XPO6: variants seen among roughly 807,000 people sequenced by gnomAD.
XPO6 encodes the protein exportin 6.
A neutral mutation model predicts 130.0 loss-of-function variants in XPO6; 3 were observed. That is an observed-to-expected ratio of 0.02 (90% CI 0.01 to 0.06). XPO6 has a LOEUF of 0.06. Ranked by LOEUF, XPO6 falls within the 10% of genes least tolerant of loss-of-function variation. XPO6 has a pLI of 1.00. For missense variants in XPO6, 970 were observed against 1,393.0 expected (o/e 0.70, Z 4.83); for synonymous variants, 524 against 548.9 (o/e 0.95, Z 0.63).
At chr16:28,111,662 G>A (rs757143372) in intron 17 of XPO6, 155 bp downstream of exon 17, 2 of 700,226 alleles carry the variant, frequency 2.9e-6, no homozygotes, top group Admixed American at 3.1e-5. Context: ...AAGGTAGCAG[G>A]ATCCCACCCC....
chr16:28,176,290 C>A (rs1341671004), intron 3 of XPO6, among the ~76,000 whole-genome samples, 195 bp from the exon 4 acceptor site: 1 of 152,110 alleles, frequency 6.6e-6, no homozygotes, highest in Non-Finnish European at 1.5e-5. Flanking sequence ...GGAAGAACTG[C>A]CAAATAACAG....
intron 1 of XPO6, among the ~76,000 whole-genome samples, chr16:28,189,568 T>C (rs1024088433): frequency 1.3e-5 from 2 of 151,088 alleles, no homozygotes; most frequent in South Asian, 2.1e-4. Flanking sequence ...ATTCTAAACA[T>C]TGTGTACAAG....
At chr16:28,165,679 C>T (rs2043346218) in intron 6 of XPO6, among the ~76,000 whole-genome samples, 1 of 152,188 alleles carries the variant, frequency 6.6e-6, no homozygotes, top group Non-Finnish European at 1.5e-5. Context: ...CGTCTGACTT[C>T]CACAGCCTAT....
intron 12 of XPO6, chr16:28,126,611 T>C (rs1650259960): frequency 6.6e-6 from 1 of 152,228 alleles, no homozygotes; most frequent in African/African-American, 2.4e-5. Flanking sequence ...GTCTGAAATT[T>C]CCTTACTTTT....
At chr16:28,098,724 G>T in intron 23 of XPO6, 85 bp from the exon 24 acceptor site, 1 of 968,792 alleles carries the variant, frequency 1.0e-6, no homozygotes, top group Non-Finnish European at 1.5e-6. Context: ...ATCCCAGAGT[G>T]TGCACTGAAG....
At chr16:28,183,989 C>T (rs768189514) in intron 1 of XPO6, among the ~76,000 whole-genome samples, 36 of 152,262 alleles carry the variant, frequency 2.4e-4, no homozygotes, top group Admixed American at 1.7e-3. Flanking sequence ...CCCTGGCTCC[C>T]GTTTGGCAAC....
chr16:28,163,065 G>A (rs76692743), intron 6 of XPO6, among the ~76,000 whole-genome samples: 6 of 152,142 alleles, frequency 3.9e-5, no homozygotes, highest in East Asian at 1.9e-4. Context: ...CTCCAGTCGC[G>A]TTAACCTAAA....
intron 10 of XPO6, 147 bp from the exon 11 acceptor site, chr16:28,134,080 A>AT (rs1567612250): frequency 9.9e-6 from 7 of 706,272 alleles, no homozygotes; most frequent in Non-Finnish European, 1.6e-5. Flanking sequence ...CCAAGCTAGA[A>AT]TTTTTTAAAA....
intron 13 of XPO6, among the ~76,000 whole-genome samples, chr16:28,125,282 T>C (rs574799682): frequency 5.1e-4 from 78 of 152,350 alleles, no homozygotes; most frequent in Non-Finnish European, 9.3e-4. Flanking sequence ...TCAGTAGGGC[T>C]TTCTTAATAT....
At chr16:28,119,629 C>T (rs1471458124) in intron 14 of XPO6, among the ~76,000 whole-genome samples, 2 of 151,460 alleles carry the variant, frequency 1.3e-5, no homozygotes, top group South Asian at 2.1e-4. Flanking sequence ...TAATGTGTGG[C>T]TCATGATTAG....
chr16:28,152,086 G>GTGTGT (rs1339760920), intron 8 of XPO6, among the ~76,000 whole-genome samples: 5 of 152,124 alleles, frequency 3.3e-5, no homozygotes, highest in Admixed American at 1.3e-4. Context: ...GTGTGTGTGT[G>GTGTGT]TGTACACACA....
Position 28,117,200 on chromosome 16 carries a change from G to A in XPO6, c.2004+118C>T, listed in dbSNP as rs1369170310. On this transcript the variant is annotated intron_variant, in intron 15 of 23. Transcript: ENST00000304658. The stretch of plus-strand genomic sequence containing the variant: ...CATGAAATAAAACAGATGTATAACA[G>A]CAGAAAGATTTATGGGTCTAACTCT... 3.8e-6 allele frequency: 5 copies of A among 1,323,764 alleles called. No individual in the cohort carries two copies. The East Asian group carries it at 1.2e-4, about 31-fold the overall frequency. The allele number at this position is 1,323,764 out of a possible 1,614,324, so 82.0% of individuals were successfully genotyped here.
Position 28,200,694 on chromosome 16 carries a change from T to C in XPO6, c.3+10672A>G, listed in dbSNP as rs538339575. On this transcript the variant is annotated intron_variant, in intron 1 of 23. Coordinates refer to ENST00000304658, the MANE Select transcript of XPO6 (RefSeq NM_015171.4). ...CTGTCAACTCACTAGGTAATTCTGA[T>C]TTCTGTTTTTTTGGTTTTTTATTTT... is the stretch of plus-strand genomic sequence containing the variant. Among the ~76,000 whole-genome samples the C allele has an allele frequency of 2.0e-5, 3 of 152,178 alleles. No individual in the cohort carries two copies. The South Asian group carries it at 6.2e-4, about 32-fold the overall frequency.
At chr16:28,150,397 CA>C (rs1386050539) in intron 8 of XPO6, among the ~76,000 whole-genome samples, 1 of 152,032 alleles carries the variant, frequency 6.6e-6, no homozygotes, top group Non-Finnish European at 1.5e-5. Context: ...TTCGATGACA[CA>C]TAGGAGTCTA....
intron 10 of XPO6, among the ~76,000 whole-genome samples, chr16:28,134,935 G>C (rs1380346218): frequency 6.6e-6 from 1 of 152,158 alleles, no homozygotes; most frequent in East Asian, 1.9e-4. Flanking sequence ...GAGACAGAGA[G>C]GATACAGAGT....
At chr16:28,186,374 C>CTTGTTTTTTTTTTT (rs2043693707) in intron 1 of XPO6, among the ~76,000 whole-genome samples, 1 of 81,442 alleles carries the variant, frequency 1.2e-5, no homozygotes, top group Non-Finnish European at 2.1e-5. Flanking sequence ...CCCAGTTATT[C>CTTGTTTTTTTTTTT]TTTTTTTTTT....
intron 6 of XPO6, among the ~76,000 whole-genome samples, chr16:28,164,010 A>C (rs2043318144): frequency 6.6e-6 from 1 of 151,730 alleles, no homozygotes; most frequent in African/African-American, 2.4e-5. Flanking sequence ...AACCACACAC[A>C]CTCCTTCAAA....
intron 1 of XPO6, chr16:28,208,994 T>C (rs1596984664): frequency 2.6e-5 from 4 of 152,344 alleles, no homozygotes; most frequent in Admixed American, 2.6e-4. Context: ...CACAATGGAA[T>C]TCAGCTTTCA....
At chr16:28,129,296 C>T (rs2141279594) in intron 12 of XPO6, among the ~76,000 whole-genome samples, 1 of 152,272 alleles carries the variant, frequency 6.6e-6, no homozygotes, top group South Asian at 2.1e-4. Context: ...CTAATTTCAC[C>T]ACCACAAAAG....
Sources: gnomAD v4.1 joint callset for allele counts (sites outside exome capture counted in the v4.1 genomes callset) on GRCh38, gnomAD v4.1.1 for gene constraint, MANE v1.5 for transcripts, NCBI Gene and HGNC (gene_info 2026-07-23, HGNC 2026-07-21) for gene names.